Variants in CHST11 observed in about 807,000 individuals in gnomAD.
CHST11 encodes carbohydrate sulfotransferase 11, also known as C4S-1.
Under a neutral mutation model 30.4 loss-of-function variants are expected in CHST11, and 9 were observed. That is an observed-to-expected ratio of 0.30 (90% CI 0.18 to 0.52). The LOEUF is 0.52. Ranked by LOEUF, CHST11 falls within the 20% of genes least tolerant of loss-of-function variation. The pLI, the probability that CHST11 is intolerant of heterozygous loss-of-function variation, is 0.97. For missense variants in CHST11, 348 were observed against 460.6 expected (o/e 0.76, Z 2.24); for synonymous variants, 152 against 187.8 (o/e 0.81, Z 1.56).
chr12:104,627,235 C>T (rs1459014284), intron 2 of CHST11, among the ~76,000 whole-genome samples: 1 of 152,094 alleles, frequency 6.6e-6, no homozygotes, highest in Admixed American at 6.5e-5. Context: ...TTTATCCAGT[C>T]ACCTACTGCA....
At chr12:104,562,754 C>T (rs1046161904) in intron 1 of CHST11, among the ~76,000 whole-genome samples, 3 of 152,182 alleles carry the variant, frequency 2.0e-5, no homozygotes, top group African/African-American at 7.2e-5. Flanking sequence ...CCGGTAGCTA[C>T]GTTGAGTTAG....
At chr12:104,721,591 T>A (rs1239504743) in intron 2 of CHST11, among the ~76,000 whole-genome samples, 5 of 152,172 alleles carry the variant, frequency 3.3e-5, no homozygotes, top group Non-Finnish European at 4.4e-5. Context: ...CTGCGCCTGA[T>A]AGAGAATGAG....
chr12:104,732,150 G>A (rs1047806802), intron 2 of CHST11, among the ~76,000 whole-genome samples: 1 of 152,270 alleles, frequency 6.6e-6, no homozygotes, highest in African/African-American at 2.4e-5. Flanking sequence ...AGAAGCAGGA[G>A]GTGGCAGGTT....
intron 2 of CHST11, among the ~76,000 whole-genome samples, chr12:104,675,494 G>A (rs703673): frequency 0.25 from 38,403 of 152,048 alleles, 6,944 homozygotes; most frequent in African/African-American, 0.51. Context: ...ACTATCTCCT[G>A]TTCACAGGAT....
intron 2 of CHST11, among the ~76,000 whole-genome samples, chr12:104,652,365 C>T (rs1248583735): frequency 1.3e-5 from 2 of 152,180 alleles, no homozygotes; most frequent in Non-Finnish European, 2.9e-5. Flanking sequence ...CCCGTGGGCT[C>T]CTGCAGGCAG....
At chr12:104,514,086 G>C (rs1294742576) in intron 1 of CHST11, 6 of 1,197,798 alleles carry the variant, frequency 5.0e-6, no homozygotes, top group Non-Finnish European at 1.2e-6. Context: ...TGGTACCAGG[G>C]GTCTAATCAG....
At chr12:104,688,236 A>G (rs921789648) in intron 2 of CHST11, among the ~76,000 whole-genome samples, 8 of 152,168 alleles carry the variant, frequency 5.3e-5, no homozygotes, top group African/African-American at 1.9e-4. Flanking sequence ...GCTTGCTGTT[A>G]GGGTGGGTAC....
chr12:104,661,406 A>ACT (rs2039597443), intron 2 of CHST11, among the ~76,000 whole-genome samples: 1 of 151,934 alleles, frequency 6.6e-6, no homozygotes, highest in African/African-American at 2.4e-5. Flanking sequence ...TACTACTACT[A>ACT]ATAATAATAA....
chr12:104,494,097 G>T (rs920876705), intron 1 of CHST11, among the ~76,000 whole-genome samples: 1 of 152,148 alleles, frequency 6.6e-6, no homozygotes, highest in African/African-American at 2.4e-5. Context: ...GTGAGCCACC[G>T]TGCCTGGCCT....
intron 1 of CHST11, among the ~76,000 whole-genome samples, chr12:104,469,238 C>T (rs1006384979): frequency 6.6e-6 from 1 of 152,186 alleles, no homozygotes; most frequent in African/African-American, 2.4e-5. Context: ...CCTCTGTCTG[C>T]CGTACTAACA....
At chr12:104,696,704 G>A (rs2039950649) in intron 2 of CHST11, among the ~76,000 whole-genome samples, 1 of 151,822 alleles carries the variant, frequency 6.6e-6, no homozygotes, top group Non-Finnish European at 1.5e-5. Flanking sequence ...CCATCACCAA[G>A]GTAGAAATCT....
At chr12:104,605,786 C>G (rs781309799) in intron 2 of CHST11, among the ~76,000 whole-genome samples, 7 of 152,164 alleles carry the variant, frequency 4.6e-5, no homozygotes, top group East Asian at 3.9e-4. Flanking sequence ...GCGGGCCGCT[C>G]TGGCTCAGTT....
intron 2 of CHST11, among the ~76,000 whole-genome samples, chr12:104,686,850 G>A (rs1298244586): frequency 3.3e-5 from 5 of 152,108 alleles, no homozygotes; most frequent in African/African-American, 1.2e-4. Flanking sequence ...GTTTCACCAC[G>A]TTGGTCAGGC....
At chr12:104,732,051 G>A (rs547004803) in intron 2 of CHST11, among the ~76,000 whole-genome samples, 2 of 152,370 alleles carry the variant, frequency 1.3e-5, no homozygotes, top group South Asian at 4.1e-4. Flanking sequence ...ACTGCAACCA[G>A]CTCCACAGCT....
At chr12:104,552,933 A>T (rs1456626025) in intron 1 of CHST11, 1 of 152,172 alleles carries the variant, frequency 6.6e-6, no homozygotes, top group Non-Finnish European at 1.5e-5. Flanking sequence ...CGCAATTCCT[A>T]TCTCCAAGGG....
chr12:104,741,416 T>C (rs10861275), intron 2 of CHST11, among the ~76,000 whole-genome samples: 6,964 of 152,314 alleles, frequency 0.046, 569 homozygotes, highest in East Asian at 0.28. Context: ...GCATGGCTCA[T>C]GCGTGCCTTT....
At chr12:104,492,456 G>A (rs1210170425) in intron 1 of CHST11, among the ~76,000 whole-genome samples, 1 of 152,160 alleles carries the variant, frequency 6.6e-6, no homozygotes, top group Non-Finnish European at 1.5e-5. Context: ...CAGAATAGAA[G>A]TTCCTGAGGC....
intron 2 of CHST11, among the ~76,000 whole-genome samples, chr12:104,632,140 T>C (rs781132813): frequency 9.9e-5 from 15 of 152,148 alleles, no homozygotes; most frequent in Non-Finnish European, 1.8e-4. Context: ...GAGGTGATGC[T>C]GCCTGGGAAC....
At chr12:104,610,508 A>G (rs915108011) in intron 2 of CHST11, among the ~76,000 whole-genome samples, 4 of 152,212 alleles carry the variant, frequency 2.6e-5, no homozygotes, top group Admixed American at 6.5e-5. Context: ...CAGTTTCCAC[A>G]TGGTAACACA....
Sources: gnomAD v4.1 joint callset for allele counts (sites outside exome capture counted in the v4.1 genomes callset) on GRCh38, gnomAD v4.1.1 for gene constraint, MANE v1.5 for transcripts, NCBI Gene and HGNC (gene_info 2026-07-23, HGNC 2026-07-21) for gene names.